Variants in KSR2 observed in about 807,000 individuals in gnomAD.
KSR2 encodes the protein kinase suppressor of ras 2.
KSR2 carries 25 observed loss-of-function variants against 107.8 expected under a neutral mutation model. The observed-to-expected ratio is 0.23, with a 90% confidence interval of 0.17 to 0.32. The LOEUF (loss-of-function observed/expected upper bound fraction) is 0.32, where lower values mean the gene tolerates loss of function less well. Ranked by LOEUF, KSR2 falls within the 10% of genes least tolerant of loss-of-function variation. KSR2 has a pLI of 1.00. For synonymous variants in KSR2, 480 were observed against 507.0 expected (o/e 0.95, Z 0.71); for missense variants, 887 against 1,268.9 (o/e 0.70, Z 4.57).
In KSR2 at chr12:117,456,302, G is replaced by A. The variant is rs1870614360; in HGVS notation, c.*10897C>T. ...TGCTCCCTAGAAGGCTGGCTAGGAG[G>A]GAAAGGGGGCCGGGGCAGGGGGCCT... On this transcript the variant is annotated 3_prime_UTR_variant, in exon 20 of 20. Transcript: ENST00000339824. 1 of 152,348 alleles carries A rather than the reference G, an allele frequency of 6.6e-6. No homozygotes were observed. The highest frequency in any genetic ancestry group is 1.5e-5 in the Non-Finnish European group (1 of 68,192). The allele number at this position is 152,348 out of a possible 1,614,324, so 9.4% of individuals were successfully genotyped here. A position where few individuals can be genotyped will look rare whatever the true frequency, so the allele number is the denominator to read the frequency against.
chr12:117,782,273 G>A (rs1889913316), intron 3 of KSR2, among the ~76,000 whole-genome samples: 1 of 152,216 alleles, frequency 6.6e-6, no homozygotes, highest in South Asian at 2.1e-4. Context: ...GAAACTAACA[G>A]GTTTTTTTGA....
chr12:117,588,927 T>C (rs1880161847), intron 5 of KSR2, among the ~76,000 whole-genome samples: 1 of 152,212 alleles, frequency 6.6e-6, no homozygotes, highest in Non-Finnish European at 1.5e-5. Flanking sequence ...CTCAGACATA[T>C]TTACCGTATG....
chr12:117,804,257 G>A (rs1056633508), intron 3 of KSR2, among the ~76,000 whole-genome samples: 3 of 152,114 alleles, frequency 2.0e-5, no homozygotes, highest in Non-Finnish European at 4.4e-5. Context: ...TGGCCAGGCT[G>A]GTCTTGAACT....
At chr12:117,736,001 G>T (rs1020975986) in intron 4 of KSR2, among the ~76,000 whole-genome samples, 1 of 152,130 alleles carries the variant, frequency 6.6e-6, no homozygotes, top group South Asian at 2.1e-4. Context: ...AAGTCATACC[G>T]GGATCCATGA....
intron 1 of KSR2, among the ~76,000 whole-genome samples, chr12:117,865,257 C>G (rs886152937): frequency 1.3e-5 from 2 of 151,964 alleles, no homozygotes; most frequent in African/African-American, 4.8e-5. Flanking sequence ...AATTTAAGTT[C>G]TGATTTTGAA....
intron 5 of KSR2, among the ~76,000 whole-genome samples, chr12:117,655,303 G>T (rs929632581): frequency 6.6e-6 from 1 of 152,112 alleles, no homozygotes; most frequent in Non-Finnish European, 1.5e-5. Context: ...AAAGAAGTGT[G>T]GCATGGGCTC....
intron 5 of KSR2, among the ~76,000 whole-genome samples, chr12:117,583,172 G>A (rs981098825): frequency 5.3e-5 from 8 of 151,878 alleles, no homozygotes; most frequent in African/African-American, 1.9e-4. Flanking sequence ...TAGATGGATG[G>A]ACAGATGGAT....
chr12:117,962,449 G>GT (rs71099094), intron 1 of KSR2, among the ~76,000 whole-genome samples: 1,662 of 143,090 alleles, frequency 0.012, 28 homozygotes, highest in African/African-American at 0.035. Context: ...TGTTTTTTGG[G>GT]TTTTTTTTTT....
At chr12:117,790,319 G>C (rs10774957) in intron 3 of KSR2, among the ~76,000 whole-genome samples, 69,981 of 152,034 alleles carry the variant, frequency 0.46, 16,723 homozygotes, top group East Asian at 0.65. Flanking sequence ...CATTGGCTCA[G>C]TCCAGAAAGG....
At chr12:117,620,569 C>G (rs1882140475) in intron 5 of KSR2, among the ~76,000 whole-genome samples, 1 of 152,174 alleles carries the variant, frequency 6.6e-6, no homozygotes, top group Non-Finnish European at 1.5e-5. Context: ...GAGTTTACCA[C>G]TATTGAAGCT....
chr12:117,500,448 C>T (rs962983777), intron 14 of KSR2, among the ~76,000 whole-genome samples: 1 of 152,168 alleles, frequency 6.6e-6, no homozygotes, highest in Non-Finnish European at 1.5e-5. Context: ...CCTAACCTAA[C>T]CCCATAAGAC....
chr12:117,480,477 C>T (rs1872111789), intron 16 of KSR2, among the ~76,000 whole-genome samples: 1 of 152,168 alleles, frequency 6.6e-6, no homozygotes, highest in Non-Finnish European at 1.5e-5. Flanking sequence ...GGCATGACAG[C>T]ACTGGCATCT....
At chr12:117,665,487 G>A (rs933242646) in intron 5 of KSR2, among the ~76,000 whole-genome samples, 2 of 152,196 alleles carry the variant, frequency 1.3e-5, no homozygotes, top group African/African-American at 4.8e-5. Context: ...AAGGACAGAT[G>A]GCTGTTAGAG....
At chr12:117,691,971 A>T (rs1027527594) in intron 4 of KSR2, among the ~76,000 whole-genome samples, 3 of 152,198 alleles carry the variant, frequency 2.0e-5, no homozygotes, top group African/African-American at 7.2e-5. Flanking sequence ...GGGCACATAG[A>T]GGTGGCATTC....
chr12:117,692,603 C>T (rs1247294125), intron 4 of KSR2, among the ~76,000 whole-genome samples: 1 of 148,910 alleles, frequency 6.7e-6, no homozygotes, highest in Non-Finnish European at 1.5e-5. Flanking sequence ...ACACGTACAC[C>T]TATGTTCATA....
At chr12:117,533,842 C>T (rs915724323) in intron 10 of KSR2, among the ~76,000 whole-genome samples, 2 of 152,140 alleles carry the variant, frequency 1.3e-5, no homozygotes, top group Non-Finnish European at 2.9e-5. Context: ...CCAGCAAATG[C>T]CTCCACACCC....
At chr12:117,950,428 G>A (rs755166984) in intron 1 of KSR2, among the ~76,000 whole-genome samples, 53 of 152,068 alleles carry the variant, frequency 3.5e-4, no homozygotes, top group Non-Finnish European at 5.7e-4. Context: ...ACTGCTATAT[G>A]TTTGAAATCT....
At chr12:117,623,800 G>A (rs10744899) in intron 5 of KSR2, among the ~76,000 whole-genome samples, 127,358 of 145,062 alleles carry the variant, frequency 0.88, 55,812 homozygotes, top group East Asian at 0.97. Context: ...TTGAGGAATC[G>A]CCACACTGTC....
At chr12:117,906,235 C>T (rs975811790) in intron 1 of KSR2, among the ~76,000 whole-genome samples, 42 of 151,888 alleles carry the variant, frequency 2.8e-4, no homozygotes, top group African/African-American at 9.7e-4. Context: ...CACCTGTAAT[C>T]CCAGCTACTT....
Sources: allele counts gnomAD v4.1 joint callset (sites outside exome capture counted in the v4.1 genomes callset), GRCh38; gene constraint gnomAD v4.1.1; transcripts MANE v1.5; gene names NCBI Gene and HGNC (gene_info 2026-07-23, HGNC 2026-07-21).